Variants in MAP3K13 observed in about 807,000 individuals in gnomAD.
The protein encoded by MAP3K13 is mitogen-activated protein kinase kinase kinase 13.
Under a neutral mutation model 104.0 loss-of-function variants are expected in MAP3K13, and 52 were observed. The observed-to-expected ratio is 0.50, with a 90% CI of 0.40 to 0.63. The LOEUF is 0.63. MAP3K13 is among the 20% of genes least tolerant of loss of function. The pLI is 0.00. For synonymous variants in MAP3K13, 394 were observed against 442.2 expected (o/e 0.89, Z 1.37); for missense variants, 914 against 1,218.5 (o/e 0.75, Z 3.72).
In MAP3K13 at chr3:185,418,272, C is replaced by T; in HGVS notation, c.-85-10225C>T. On this transcript the variant is annotated intron_variant, in intron 1 of 13. Coordinates refer to ENST00000265026, the MANE Select transcript of MAP3K13 (RefSeq NM_004721.5). The surrounding 1 kb of genome is among the most constrained non-coding windows in gnomAD (Gnocchi z 4.5). Reference sequence around the variant, plus strand: ...TCCAGGCTTTAAGTTTCTTAAGGAGCAAAACAGCTTCCTTGGTCTTCTTGT... The same window carrying T: ...TCCAGGCTTTAAGTTTCTTAAGGAGTAAAACAGCTTCCTTGGTCTTCTTGT... 6.3e-7 allele frequency: 1 copy of T among 1,589,022 alleles called. No individual in the cohort carries two copies. Among genetic ancestry groups the T allele is most frequent in the South Asian group, 1.1e-5 (1 of 90,514 alleles).
intron 2 of MAP3K13, among the ~76,000 whole-genome samples, chr3:185,357,763 T>C (rs2108738044): frequency 6.6e-6 from 1 of 152,324 alleles, no homozygotes; most frequent in East Asian, 1.9e-4. Context: ...TCATTGGTAA[T>C]CATCCTTTTG....
chr3:185,454,848 G>GAT (rs1485349242), intron 7 of MAP3K13, among the ~76,000 whole-genome samples: 1 of 52,588 alleles, frequency 1.9e-5, no homozygotes, highest in Non-Finnish European at 3.9e-5. Context: ...ATATATATGA[G>GAT]ATATATACAT....
At chr3:185,334,538 G>A (rs1426740680) in intron 2 of MAP3K13, among the ~76,000 whole-genome samples, 1 of 152,004 alleles carries the variant, frequency 6.6e-6, no homozygotes, top group Admixed American at 6.5e-5. Context: ...TTTTGATCAG[G>A]TGGTGAGTCA....
intron 9 of MAP3K13, among the ~76,000 whole-genome samples, chr3:185,466,356 AATTTAGT>A (rs1406645466): frequency 4.7e-5 from 7 of 149,676 alleles, no homozygotes; most frequent in Non-Finnish European, 1.0e-4. Context: ...GGTTAATTTG[AATTTAGT>A]ATTTCCTTTT....
At position 185,313,906 on chromosome 3, in the gene MAP3K13, G is replaced by A. The variant is rs533508762; in HGVS notation, c.-86+28263G>A. On this transcript the variant is annotated intron_variant, in intron 2 of 14. Transcript: ENST00000424227. Reference sequence around the variant, plus strand: ...TTACTGAGTTTGTTAATCCCTATCTGATGGGGAATGCTGCTCTGGCAATGC... The same window carrying A: ...TTACTGAGTTTGTTAATCCCTATCTAATGGGGAATGCTGCTCTGGCAATGC... Among the ~76,000 whole-genome samples the A allele has an allele frequency of 3.3e-5, 5 of 152,332 alleles. No individual in the cohort carries two copies. The East Asian group carries it at 7.7e-4, about 23-fold the overall frequency.
At chr3:185,363,689 G>T (rs1723741681) in intron 1 of MAP3K13, among the ~76,000 whole-genome samples, 1 of 152,222 alleles carries the variant, frequency 6.6e-6, no homozygotes, top group Non-Finnish European at 1.5e-5. Context: ...GATGGTATTA[G>T]CAGAAAAGCC....
intron 2 of MAP3K13, among the ~76,000 whole-genome samples, chr3:185,358,020 G>A (rs183732634): frequency 2.6e-3 from 403 of 152,242 alleles, no homozygotes; most frequent in Non-Finnish European, 4.2e-3. Flanking sequence ...TTACAGATAT[G>A]TATTTAGTGC....
At chr3:185,360,167 G>A (rs1723544142), upstream of MAP3K13, among the ~76,000 whole-genome samples, 1 of 152,136 alleles carries the variant, frequency 6.6e-6, no homozygotes, top group South Asian at 2.1e-4. Flanking sequence ...CACTTAGTAT[G>A]CCCATGTGCT....
At chr3:185,366,317 A>G (rs575831369) in intron 1 of MAP3K13, among the ~76,000 whole-genome samples, 1 of 152,218 alleles carries the variant, frequency 6.6e-6, no homozygotes, top group East Asian at 1.9e-4. Flanking sequence ...CCAGTGCACC[A>G]TATTTTACTT....
intron 6 of MAP3K13, 152 bp from the exon 7 acceptor site, chr3:185,451,135 T>C: frequency 1.8e-6 from 1 of 562,728 alleles, no homozygotes; most frequent in Non-Finnish European, 3.2e-6. Flanking sequence ...GAGATACAAT[T>C]CAGTTATGCT....
intron 1 of MAP3K13, among the ~76,000 whole-genome samples, chr3:185,385,685 A>T (rs1711645789): frequency 6.6e-6 from 1 of 152,164 alleles, no homozygotes; most frequent in African/African-American, 2.4e-5. Flanking sequence ...AACACTAGGA[A>T]ACCAAATCCA....
chr3:185,420,770 C>G (rs956000451), intron 1 of MAP3K13, among the ~76,000 whole-genome samples: 6 of 152,310 alleles, frequency 3.9e-5, no homozygotes, highest in African/African-American at 1.4e-4. Context: ...TAAAAATCCT[C>G]AATTAGTAAC....
chr3:185,347,520 C>T lies in MAP3K13; in HGVS notation c.-86+61877C>T, dbSNP rs535139738. Among the ~76,000 whole-genome samples, 536 of 152,148 alleles carry T rather than the reference C, an allele frequency of 3.5e-3. 1 individual carries two copies. The highest frequency in any genetic ancestry group is 0.013 in the African/African-American group (523 of 41,504). ...TGACATTGATCTCGGTCTACTTGTC[C>T]GACTTATAAATTATTCTTTAATACT... On this transcript the variant is annotated intron_variant, in intron 2 of 14. Coordinates refer to the MAP3K13 transcript ENST00000424227.
chr3:185,291,136 A>G (rs1294329438), intron 2 of MAP3K13, among the ~76,000 whole-genome samples: 1 of 152,228 alleles, frequency 6.6e-6, no homozygotes, highest in Non-Finnish European at 1.5e-5. Flanking sequence ...AAATATTACA[A>G]TATTTTTGAA....
chr3:185,283,474 G>GGAAT lies in MAP3K13; in HGVS notation c.-205+471_-205+474dup, dbSNP rs374615945. 2.3e-3 allele frequency among the ~76,000 whole-genome samples: 348 copies of GGAAT among 152,114 alleles called. 1 individual carries two copies. The highest frequency in any genetic ancestry group is 4.4e-3 in the South Asian group (21 of 4,826). On this transcript the variant is annotated intron_variant, in intron 1 of 14. Coordinates refer to the MAP3K13 transcript ENST00000424227. ...TAGGCATGCTTTAGATGTTGTCGAA[G>GGAAT]GAATGAATGAATGAATGAATGAATG...
chr3:185,410,119 C>T (rs528579411), intron 1 of MAP3K13, among the ~76,000 whole-genome samples: 1 of 152,208 alleles, frequency 6.6e-6, no homozygotes, highest in Non-Finnish European at 1.5e-5. Flanking sequence ...CAGTAATACT[C>T]GCTCGCCTGC....
At chr3:185,405,790 C>G (rs1263059502) in intron 1 of MAP3K13, among the ~76,000 whole-genome samples, 1 of 152,202 alleles carries the variant, frequency 6.6e-6, no homozygotes, top group Non-Finnish European at 1.5e-5. Context: ...TACTTGCTTA[C>G]TTGCTTATCT....
intron 7 of MAP3K13, among the ~76,000 whole-genome samples, chr3:185,456,709 C>T (rs186681706): frequency 1.3e-3 from 191 of 144,962 alleles, no homozygotes; most frequent in African/African-American, 4.6e-3. Flanking sequence ...TCAAGCAATT[C>T]TCCTGTCTCA....
At chr3:185,316,899 A>T (rs565589838) in intron 2 of MAP3K13, among the ~76,000 whole-genome samples, 51 of 152,330 alleles carry the variant, frequency 3.3e-4, no homozygotes, top group Admixed American at 2.4e-3. Context: ...CTGGGTTTTT[A>T]ATTTGATCCT....
Sources: allele counts gnomAD v4.1 joint callset (sites outside exome capture counted in the v4.1 genomes callset), GRCh38; gene constraint gnomAD v4.1.1; non-coding constraint Gnocchi (gnomAD v3.1); transcripts MANE v1.5; gene names NCBI Gene and HGNC (gene_info 2026-07-23, HGNC 2026-07-21).